XKR9: variants seen among roughly 807,000 people sequenced by gnomAD.
XKR9 encodes XK related 9, also known as XK-related protein 9.
In XKR9, 32 loss-of-function variants were observed where a neutral mutation model predicts 32.0. That is an observed-to-expected ratio of 1.00 (90% CI 0.76 to 1.34). XKR9 has a LOEUF of 1.34. XKR9 is among the 40% of genes most tolerant of loss of function. The probability of loss-of-function intolerance (pLI) is 0.00; values close to 1 mark genes in which losing one functional copy is unlikely to be tolerated. For synonymous variants in XKR9, 168 were observed against 143.4 expected (o/e 1.17, Z -1.22); for missense variants, 546 against 429.7 (o/e 1.27, Z -2.39).
intron 4 of XKR9, among the ~76,000 whole-genome samples, chr8:70,721,280 GT>G (rs1806272876): frequency 6.6e-6 from 1 of 151,800 alleles, no homozygotes. Flanking sequence ...TTTTTGAACG[GT>G]TTTTCGTTTC....
chr8:71,018,534 G>A, the XKR9 span, among the ~76,000 whole-genome samples: 15 of 152,112 alleles, frequency 9.9e-5, no homozygotes, highest in African/African-American at 3.6e-4. Flanking sequence ...TAAATAGTGG[G>A]GTTAACACAT....
At chr8:71,059,749 C>T in the XKR9 span, among the ~76,000 whole-genome samples, 3 of 152,130 alleles carry the variant, frequency 2.0e-5, no homozygotes, top group African/African-American at 7.2e-5. Context: ...TGGAAAAGAC[C>T]AGTCCAGCAC....
At chr8:70,742,651 G>A (rs1046571968) in intron 2 of XKR9, among the ~76,000 whole-genome samples, 3 of 151,598 alleles carry the variant, frequency 2.0e-5, no homozygotes, top group African/African-American at 4.8e-5. Flanking sequence ...ATTCTTGTAG[G>A]ATATTTTTGT....
At chr8:70,741,168 C>T (rs1341468076) in intron 2 of XKR9, among the ~76,000 whole-genome samples, 1 of 152,168 alleles carries the variant, frequency 6.6e-6, no homozygotes, top group Non-Finnish European at 1.5e-5. Context: ...CAAGCCTGGG[C>T]AATGGTGGGT....
rs147569549 is a variant in XKR9, at chr8:70,704,303, C to G, written c.273-2630C>G. Among the ~76,000 whole-genome samples the G allele has an allele frequency of 6.4e-3, 968 of 152,118 alleles. 10 individuals are homozygous for G. The highest frequency in any genetic ancestry group is 0.021 in the African/African-American group (883 of 41,478). ...TTCCATGAAATTACCCTCAGATAAG[C>G]AGAACTTTGTATATATTTGCCATTA... On this transcript the variant is annotated intron_variant, in intron 3 of 4. Transcript: ENST00000408926.
chr8:70,748,605 T>C (rs6998024), intron 2 of XKR9, among the ~76,000 whole-genome samples: 61,348 of 152,046 alleles, frequency 0.4, 13,915 homozygotes, highest in Non-Finnish European at 0.52. Context: ...CCCCTTGGCA[T>C]GAGGAGCCTG....
intron 2 of XKR9, among the ~76,000 whole-genome samples, chr8:70,678,915 A>G (rs1274437222): frequency 2.0e-5 from 3 of 152,238 alleles, no homozygotes; most frequent in Non-Finnish European, 2.9e-5. Flanking sequence ...ATTTTTTTAT[A>G]GAAACATAGT....
chr8:70,924,549 C>G, the XKR9 span, among the ~76,000 whole-genome samples: 28 of 152,138 alleles, frequency 1.8e-4, no homozygotes, highest in Non-Finnish European at 3.7e-4. Context: ...TCAACATTCC[C>G]CAAACGTGCC....
the XKR9 span, among the ~76,000 whole-genome samples, chr8:70,879,343 C>G: frequency 3.3e-5 from 5 of 151,716 alleles, no homozygotes; most frequent in African/African-American, 9.7e-5. Flanking sequence ...ACAAAAATCC[C>G]TTTAAAAAAA....
the XKR9 span, among the ~76,000 whole-genome samples, chr8:70,936,456 G>A: frequency 6.6e-6 from 1 of 152,008 alleles, no homozygotes; most frequent in African/African-American, 2.4e-5. Flanking sequence ...AAGAGATTGA[G>A]TTAATTTTCA....
the XKR9 span, among the ~76,000 whole-genome samples, chr8:71,005,737 C>T: frequency 6.6e-6 from 1 of 152,144 alleles, no homozygotes; most frequent in East Asian, 1.9e-4. Flanking sequence ...AGGAATTGAT[C>T]CTCATTGTAT....
the XKR9 span, among the ~76,000 whole-genome samples, chr8:71,029,356 T>G: frequency 6.6e-6 from 1 of 152,186 alleles, no homozygotes; most frequent in Non-Finnish European, 1.5e-5. Flanking sequence ...AGTGCACATT[T>G]TATTTACTTA....
rs1563476083 is a variant in XKR9 at position 70,773,526 on chromosome 8, A to AT, written n.353-15809dup. Among the ~76,000 whole-genome samples the AT allele has an allele frequency of 3.3e-5, 5 of 152,282 alleles. No individual in the cohort carries two copies. The East Asian group carries it at 9.6e-4, about 29-fold the overall frequency. Reference sequence around the variant, plus strand: ...GTTGTAAAGTGGCCTCAACATGTACATTTTGGGAAAGGGGAGAAACACTTG... The same window carrying AT: ...GTTGTAAAGTGGCCTCAACATGTACATTTTTGGGAAAGGGGAGAAACACTTG... On this transcript the variant is annotated intron_variant and non_coding_transcript_variant, in intron 2 of 3. Coordinates refer to the XKR9 transcript ENST00000520273.
chr8:70,697,376 G>A (rs1355655046), intron 3 of XKR9, among the ~76,000 whole-genome samples: 17 of 151,550 alleles, frequency 1.1e-4, no homozygotes, highest in Non-Finnish European at 2.2e-4. Flanking sequence ...CTAATTTATT[G>A]AGAGTTTTTA....
chr8:70,713,253 A>G (rs1252630016), intron 4 of XKR9, among the ~76,000 whole-genome samples: 1 of 152,152 alleles, frequency 6.6e-6, no homozygotes, highest in Admixed American at 6.6e-5. Context: ...AGAGACAAAG[A>G]GATAGAAAAT....
chr8:70,835,742 A>G, the XKR9 span, among the ~76,000 whole-genome samples: 1,520 of 152,178 alleles, frequency 1.0e-2, 15 homozygotes, highest in Non-Finnish European at 0.017. Flanking sequence ...TATGTAGTAG[A>G]CTACCTAAGG....
chr8:70,732,954 C>T (rs1563456763), intron 4 of XKR9, among the ~76,000 whole-genome samples: 2 of 152,110 alleles, frequency 1.3e-5, no homozygotes, highest in South Asian at 2.1e-4. Context: ...TCCATCTGTA[C>T]TAAAAATACA....
the XKR9 span, among the ~76,000 whole-genome samples, chr8:70,934,432 A>G: frequency 6.6e-6 from 1 of 152,164 alleles, no homozygotes; most frequent in African/African-American, 2.4e-5. Context: ...CTATGTGACA[A>G]TCCATTTCTG....
chr8:70,681,406 G>GT (rs1431510756), intron 3 of XKR9, 76 bp downstream of exon 3: 2 of 1,492,776 alleles, frequency 1.3e-6, no homozygotes, highest in Non-Finnish European at 1.8e-6. Context: ...TCTTATCTGG[G>GT]TAGTCAAATG....
Sources: gnomAD v4.1 joint callset for allele counts (sites outside exome capture counted in the v4.1 genomes callset) on GRCh38, gnomAD v4.1.1 for gene constraint, MANE v1.5 for transcripts, NCBI Gene and HGNC (gene_info 2026-07-23, HGNC 2026-07-21) for gene names.